Variants in MKLN1 observed in about 807,000 individuals in gnomAD.
The protein encoded by MKLN1 is muskelin 1, also known as muskelin.
A neutral mutation model predicts 99.0 loss-of-function variants in MKLN1; 18 were observed. That is an observed-to-expected ratio of 0.18 (90% confidence interval 0.13 to 0.27). The LOEUF (loss-of-function observed/expected upper bound fraction) is 0.27. MKLN1 is among the 10% of genes least tolerant of loss of function. The pLI, the probability that MKLN1 is intolerant of heterozygous loss-of-function variation, is 1.00. For synonymous variants in MKLN1, 288 were observed against 293.2 expected (o/e 0.98, Z 0.18); for missense variants, 621 against 875.9 (o/e 0.71, Z 3.67).
chr7:131,173,140 AACAC>A (rs56672099), intron 2 of MKLN1, among the ~76,000 whole-genome samples: 3,135 of 150,060 alleles, frequency 0.021, 102 homozygotes, highest in African/African-American at 0.07. Flanking sequence ...TGTATATACA[AACAC>A]ACACACACAC....
At chr7:131,444,718 G>T (rs1320129637) in intron 11 of MKLN1, among the ~76,000 whole-genome samples, 1 of 128,750 alleles carries the variant, frequency 7.8e-6, no homozygotes, top group Non-Finnish European at 1.6e-5. Flanking sequence ...CCTGGGTTTT[G>T]AGTAGTAGTA....
chr7:131,218,340 A>G (rs1797014177), intron 3 of MKLN1, among the ~76,000 whole-genome samples: 1 of 152,204 alleles, frequency 6.6e-6, no homozygotes, highest in Non-Finnish European at 1.5e-5. Context: ...GAGTTTAATT[A>G]TGTGTATATC....
At position 131,408,507 on chromosome 7, in the gene MKLN1, C is replaced by G. The variant is rs569815050; in HGVS notation, c.704-2799C>G. On this transcript the variant is annotated intron_variant, in intron 6 of 17. Transcript: ENST00000352689. ...AAATACATACAACTAGGCAGCAGTACTATAATCTATGTGGATTTTTTTGGT... is the reference window on the plus strand; with the variant it reads ...AAATACATACAACTAGGCAGCAGTAGTATAATCTATGTGGATTTTTTTGGT... Among the ~76,000 whole-genome samples the G allele has an allele frequency of 2.0e-5, 3 of 152,280 alleles. No individual in the cohort carries two copies. The East Asian group carries it at 5.8e-4, about 29-fold the overall frequency.
chr7:131,117,984 T>C (rs4449729), intron 1 of MKLN1, among the ~76,000 whole-genome samples: 142,296 of 152,192 alleles, frequency 0.93, 66,601 homozygotes, highest in Admixed American at 0.96. Context: ...TTTGGATATT[T>C]GTCCCATTTA....
intron 14 of MKLN1, among the ~76,000 whole-genome samples, chr7:131,465,700 G>A (rs896265615): frequency 6.6e-5 from 10 of 152,060 alleles, no homozygotes; most frequent in East Asian, 1.9e-4. Flanking sequence ...CACCACGCCC[G>A]GCTAATTTTT....
In MKLN1 at chr7:131,489,013, A is replaced by T. The variant is rs1417618990; in HGVS notation, c.*1285A>T. 6.6e-6 allele frequency: 1 copy of T among 152,190 alleles called. No individual in the cohort carries two copies. 9.4% of individuals were successfully genotyped at this position (152,190 alleles called of 1,614,324 possible). A position where few individuals can be genotyped will look rare whatever the true frequency, so the allele number is the denominator to read the frequency against. On this transcript the variant is annotated 3_prime_UTR_variant, in exon 18 of 18. Coordinates refer to ENST00000352689, the MANE Select transcript of MKLN1 (RefSeq NM_013255.5). ...ATTTGCTCAAAAAGCATGTTGTATG[A>T]AGCTGACTGCCACCATGCTAAAGCA...
At chr7:131,405,913 GTA>G (rs1794691148) in intron 6 of MKLN1, among the ~76,000 whole-genome samples, 1 of 151,998 alleles carries the variant, frequency 6.6e-6, no homozygotes, top group African/African-American at 2.4e-5. Flanking sequence ...GAGCAGTGTT[GTA>G]TATTTGTTCA....
intron 3 of MKLN1, among the ~76,000 whole-genome samples, chr7:131,247,800 G>A (rs4731773): frequency 0.054 from 8,236 of 152,196 alleles, 517 homozygotes; most frequent in East Asian, 0.27. Context: ...TTGTCTTAGC[G>A]TTAAGAAATA....
chr7:131,415,278 A>G (rs959516162), intron 8 of MKLN1, among the ~76,000 whole-genome samples: 2 of 152,224 alleles, frequency 1.3e-5, no homozygotes, highest in African/African-American at 4.8e-5. Context: ...AATAATACCA[A>G]TAATCTACCA....
chr7:131,211,689 C>G (rs1796909152), intron 3 of MKLN1, among the ~76,000 whole-genome samples: 1 of 151,992 alleles, frequency 6.6e-6, no homozygotes, highest in African/African-American at 2.4e-5. Context: ...GTTCTGCACT[C>G]TCATGCTCAT....
chr7:131,378,713 C>T lies in MKLN1; in HGVS notation c.168+3220C>T, dbSNP rs554694594. On this transcript the variant is annotated intron_variant, in intron 2 of 17. Coordinates refer to ENST00000352689, the MANE Select transcript of MKLN1 (RefSeq NM_013255.5). The stretch of plus-strand genomic sequence containing the variant: ...GGCATGGTAGCGTGTGCCTGTAGTC[C>T]GAGATACTCAGGAGGCTGAGTTGGG... Among the ~76,000 whole-genome samples the T allele has an allele frequency of 1.2e-3, 186 of 151,964 alleles. 2 individuals are homozygous for T. In the South Asian group the frequency reaches 0.022, roughly 18 times the overall value.
chr7:131,271,078 G>A (rs181920154), intron 3 of MKLN1, among the ~76,000 whole-genome samples: 126 of 152,130 alleles, frequency 8.3e-4, no homozygotes, highest in Middle Eastern at 3.4e-3. Context: ...ATTCGTGATC[G>A]CAGGGATCAC....
At chr7:131,223,116 A>G (rs918101528) in intron 3 of MKLN1, among the ~76,000 whole-genome samples, 2 of 152,166 alleles carry the variant, frequency 1.3e-5, no homozygotes, top group Non-Finnish European at 1.5e-5. Flanking sequence ...CTGCCCCTAC[A>G]TAGGAAAGGA....
At chr7:131,244,700 G>A (rs141560162) in intron 3 of MKLN1, among the ~76,000 whole-genome samples, 1 of 152,192 alleles carries the variant, frequency 6.6e-6, no homozygotes, top group Non-Finnish European at 1.5e-5. Context: ...TGACGATGAT[G>A]CATGCAGTTG....
chr7:131,463,687 C>G (rs1004611268), intron 13 of MKLN1, among the ~76,000 whole-genome samples: 2 of 152,158 alleles, frequency 1.3e-5, no homozygotes, highest in African/African-American at 4.8e-5. Flanking sequence ...TCTTAGTTTT[C>G]ATAAAACGAA....
chr7:131,204,956 G>C (rs933374203), intron 3 of MKLN1, among the ~76,000 whole-genome samples: 4 of 129,192 alleles, frequency 3.1e-5, no homozygotes, highest in Non-Finnish European at 6.5e-5. Context: ...AAATTAGCTG[G>C]GTGTGGTGGT....
chr7:131,295,037 A>G (rs1306092448), intron 3 of MKLN1, among the ~76,000 whole-genome samples: 3 of 152,190 alleles, frequency 2.0e-5, no homozygotes, highest in African/African-American at 4.8e-5. Flanking sequence ...AGAAAAACCT[A>G]ATTTCTTAAC....
intron 1 of MKLN1, among the ~76,000 whole-genome samples, chr7:131,366,654 A>G (rs1188039228): frequency 6.6e-6 from 1 of 152,142 alleles, no homozygotes; most frequent in Non-Finnish European, 1.5e-5. Context: ...TCTACTAAAA[A>G]TACAAAAACT....
intron 1 of MKLN1, among the ~76,000 whole-genome samples, chr7:131,362,971 AC>A (rs1384271863): frequency 6.6e-6 from 1 of 152,046 alleles, no homozygotes; most frequent in African/African-American, 2.4e-5. Flanking sequence ...AAAAATATAA[AC>A]TATTTTCTTA....
Sources: allele counts gnomAD v4.1 joint callset (sites outside exome capture counted in the v4.1 genomes callset), GRCh38; gene constraint gnomAD v4.1.1; transcripts MANE v1.5; gene names NCBI Gene and HGNC (gene_info 2026-07-23, HGNC 2026-07-21).